The following CNTNAP4 variants were observed in gnomAD, a reference collection of about 807,000 sequenced individuals.
The protein encoded by CNTNAP4 is contactin associated protein family member 4.
Under a neutral mutation model 148.4 loss-of-function variants are expected in CNTNAP4, and 98 were observed. The observed-to-expected ratio is 0.66, with a 90% CI of 0.56 to 0.78. The LOEUF (loss-of-function observed/expected upper bound fraction) is 0.78, where lower values mean the gene tolerates loss of function less well. Ranked by LOEUF, CNTNAP4 falls within the 30% of genes least tolerant of loss-of-function variation. CNTNAP4 has a pLI of 0.00. For missense variants in CNTNAP4, 1,935 were observed against 1,565.6 expected (o/e 1.24, Z -3.98); for synonymous variants, 730 against 565.1 (o/e 1.29, Z -4.14).
chr16:76,534,298 G>T (rs976664356), intron 17 of CNTNAP4, among the ~76,000 whole-genome samples: 20 of 152,188 alleles, frequency 1.3e-4, no homozygotes, highest in Non-Finnish European at 2.4e-4. Context: ...AGTAGCCCTT[G>T]TTGAATGAAG....
intron 2 of CNTNAP4, among the ~76,000 whole-genome samples, chr16:76,317,407 C>T (rs868742805): frequency 1.3e-5 from 2 of 150,978 alleles, no homozygotes; most frequent in Admixed American, 1.3e-4. Flanking sequence ...AGAAATAAGA[C>T]AGAATTTCAA....
intron 1 of CNTNAP4, among the ~76,000 whole-genome samples, chr16:76,313,986 A>T (rs1961427243): frequency 6.6e-6 from 1 of 152,230 alleles, no homozygotes; most frequent in Non-Finnish European, 1.5e-5. Context: ...CATCGAATGA[A>T]GAATTGGCTG....
At chr16:76,341,171 T>C (rs1384658641) in intron 2 of CNTNAP4, among the ~76,000 whole-genome samples, 1 of 152,176 alleles carries the variant, frequency 6.6e-6, no homozygotes, top group Admixed American at 6.5e-5. Flanking sequence ...ATGCCAGCTC[T>C]CCCTGACATC....
intron 3 of CNTNAP4, among the ~76,000 whole-genome samples, chr16:76,411,062 T>C (rs4496189): frequency 0.38 from 57,337 of 151,182 alleles, 11,077 homozygotes; most frequent in Middle Eastern, 0.49. Context: ...GTATCATTAT[T>C]AATATACATT....
chr16:76,290,428 A>G (rs566654835), intron 1 of CNTNAP4, among the ~76,000 whole-genome samples: 292 of 152,274 alleles, frequency 1.9e-3, no homozygotes, highest in African/African-American at 6.8e-3. Context: ...AGGATCTGTC[A>G]CTTTCATCTT....
chr16:76,515,511 G>C (rs1012039846), intron 15 of CNTNAP4, among the ~76,000 whole-genome samples: 2 of 152,144 alleles, frequency 1.3e-5, no homozygotes, highest in Non-Finnish European at 2.9e-5. Context: ...GCCAGGAAGA[G>C]AGGTCTCACA....
chr16:76,439,356 A>C (rs1568174003), intron 4 of CNTNAP4, among the ~76,000 whole-genome samples: 1 of 152,184 alleles, frequency 6.6e-6, no homozygotes, highest in Non-Finnish European at 1.5e-5. Context: ...AAATCATAAC[A>C]GTATACAAAA....
chr16:76,479,704 A>G (rs2081742248), intron 12 of CNTNAP4, among the ~76,000 whole-genome samples, 166 bp downstream of exon 12: 1 of 152,174 alleles, frequency 6.6e-6, no homozygotes, highest in African/African-American at 2.4e-5. Flanking sequence ...ATTAAATGGT[A>G]ATGATTTTAA....
chr16:76,527,901 T>C (rs747765544), intron 17 of CNTNAP4, among the ~76,000 whole-genome samples: 17 of 152,132 alleles, frequency 1.1e-4, no homozygotes, highest in Admixed American at 1.1e-3. Context: ...GAAACACTGT[T>C]TTTATAATAT....
chr16:76,407,497 G>A (rs889579139), intron 3 of CNTNAP4, among the ~76,000 whole-genome samples: 1 of 151,870 alleles, frequency 6.6e-6, no homozygotes, highest in African/African-American at 2.4e-5. Context: ...ATGGGCATTT[G>A]GAAGAAGCTG....
At chr16:76,380,862 A>C (rs1270855702) in intron 3 of CNTNAP4, among the ~76,000 whole-genome samples, 1 of 152,180 alleles carries the variant, frequency 6.6e-6, no homozygotes, top group African/African-American at 2.4e-5. Context: ...CACAAGCATC[A>C]ATATGTGTAC....
intron 3 of CNTNAP4, among the ~76,000 whole-genome samples, chr16:76,424,244 C>T (rs1465492414): frequency 6.6e-6 from 1 of 152,014 alleles, no homozygotes; most frequent in Non-Finnish European, 1.5e-5. Context: ...CCCTTAAGAC[C>T]CCAAAATCAT....
chr16:76,415,930 GTTTTTT>G (rs35758749), intron 3 of CNTNAP4, among the ~76,000 whole-genome samples: 2 of 146,206 alleles, frequency 1.4e-5, no homozygotes, highest in Admixed American at 6.8e-5. Flanking sequence ...TATACTGTTT[GTTTTTT>G]TTTTTTAACT....
intron 1 of CNTNAP4, among the ~76,000 whole-genome samples, chr16:76,315,482 C>T (rs773706296): frequency 2.0e-5 from 3 of 152,224 alleles, no homozygotes; most frequent in African/African-American, 7.2e-5. Flanking sequence ...GTCAGAGTTT[C>T]TCTTGGCCTA....
chr16:76,288,451 C>T (rs1028588111), intron 1 of CNTNAP4, among the ~76,000 whole-genome samples: 17 of 152,072 alleles, frequency 1.1e-4, no homozygotes, highest in South Asian at 2.1e-4. Context: ...GTTCCCTTTG[C>T]GTAAATTACC....
chr16:76,441,411 A>G (rs1304821105), intron 4 of CNTNAP4, among the ~76,000 whole-genome samples: 1 of 152,164 alleles, frequency 6.6e-6, no homozygotes. Flanking sequence ...GTATTTCTGA[A>G]TTGTGTAAAT....
chr16:76,282,184 T>C (rs1361041399), intron 1 of CNTNAP4, among the ~76,000 whole-genome samples: 1 of 151,936 alleles, frequency 6.6e-6, no homozygotes, highest in Non-Finnish European at 1.5e-5. Context: ...TGCCAGGAAC[T>C]GTAACAGAGG....
chr16:76,324,844 G>A (rs964851522), intron 2 of CNTNAP4, among the ~76,000 whole-genome samples: 28 of 152,038 alleles, frequency 1.8e-4, no homozygotes, highest in Non-Finnish European at 5.9e-5. Flanking sequence ...TATCATGAGT[G>A]GCCCACCCTC....
At chr16:76,430,933 A>G (rs924846496) in intron 4 of CNTNAP4, among the ~76,000 whole-genome samples, 1 of 152,178 alleles carries the variant, frequency 6.6e-6, no homozygotes, top group Non-Finnish European at 1.5e-5. Flanking sequence ...TTAACCATTT[A>G]TTGGTACTTG....
Sources: allele counts gnomAD v4.1 joint callset (sites outside exome capture counted in the v4.1 genomes callset), GRCh38; gene constraint gnomAD v4.1.1; transcripts MANE v1.5; gene names NCBI Gene and HGNC (gene_info 2026-07-23, HGNC 2026-07-21).